ALOX5: variants seen among roughly 807,000 people sequenced by gnomAD.
ALOX5 encodes polyunsaturated fatty acid 5-lipoxygenase.
ALOX5 carries 64 observed loss-of-function variants against 87.9 expected under a neutral mutation model. That is an observed-to-expected ratio of 0.73 (90% confidence interval 0.60 to 0.90). The LOEUF is 0.90. ALOX5 is among the 40% of genes least tolerant of loss of function. The probability of loss-of-function intolerance (pLI) is 0.00; values close to 1 mark genes in which losing one functional copy is unlikely to be tolerated. For synonymous variants in ALOX5, 388 were observed against 355.1 expected, an observed-to-expected ratio of 1.09 and a Z score of -1.04; for missense variants, 822 against 907.5, an observed-to-expected ratio of 0.91 and a Z score of 1.21.
At chr10:45,375,809 A>G (rs1472661801) in intron 1 of ALOX5, among the ~76,000 whole-genome samples, 1 of 152,172 alleles carries the variant, frequency 6.6e-6, no homozygotes, top group Non-Finnish European at 1.5e-5. Context: ...TACAAGAGCA[A>G]CCTTCAGTTG....
Position 45,443,031 on chromosome 10 carries a change from A to C in ALOX5, c.1273-7A>C. ...ACCCGCTCAGGGCACTCTACCTCCC[A>C]CTCCAGGCCAACGCCACAGGGGGCG... On this transcript the variant is annotated splice_polypyrimidine_tract_variant and splice_region_variant and intron_variant, in intron 9 of 13. Coordinates refer to ENST00000374391, the MANE Select transcript of ALOX5 (RefSeq NM_000698.5). 6.2e-7 allele frequency: 1 copy of C among 1,609,316 alleles called. No homozygotes were observed. The highest frequency in any genetic ancestry group is 8.5e-7 in the Non-Finnish European group (1 of 1,177,744).
In ALOX5 at chr10:45,439,550, A is replaced by G. The variant is rs150620963; in HGVS notation, c.982-880A>G. Among the ~76,000 whole-genome samples the G allele has an allele frequency of 8.5e-3, 1,294 of 152,252 alleles. 9 individuals are homozygous for G. Among genetic ancestry groups the G allele is most frequent in the Non-Finnish European group, 0.012 (822 of 68,018 alleles). On this transcript the variant is annotated intron_variant, in intron 7 of 13. Coordinates refer to ENST00000374391, the MANE Select transcript of ALOX5 (RefSeq NM_000698.5). ...CGTGAGAACTCACTGTCGGGTGCTGAGGCTGTGCTGGGCTCTCAATAAGGG... is the reference window on the plus strand; with the variant it reads ...CGTGAGAACTCACTGTCGGGTGCTGGGGCTGTGCTGGGCTCTCAATAAGGG...
rs1360559485 is a variant in ALOX5, at chr10:45,443,724, C to T, written c.1574-4C>T. ...GCCTCAGCCCGCCGGTGGTTCCACC[C>T]TAGGCTTCCCCAAGTCGGTCAAGAG... On this transcript the variant is annotated splice_region_variant and splice_polypyrimidine_tract_variant and intron_variant, in intron 11 of 13. Coordinates refer to ENST00000374391, the MANE Select transcript of ALOX5 (RefSeq NM_000698.5). 6.2e-7 allele frequency: 1 copy of T among 1,611,188 alleles called. No individual in the cohort carries two copies.
At chr10:45,428,566 T>C in intron 6 of ALOX5, 52 bp from the exon 7 acceptor site, 4 of 1,607,480 alleles carry the variant, frequency 2.5e-6, no homozygotes, top group Non-Finnish European at 3.4e-6. Flanking sequence ...CAGGCCTGAT[T>C]TTTGGTCCGT....
intron 4 of ALOX5, 147 bp downstream of exon 4, chr10:45,412,460 A>G (rs1841100714): frequency 1.8e-6 from 2 of 1,123,228 alleles, no homozygotes; most frequent in East Asian, 2.5e-5. Flanking sequence ...TTGGCCATAG[A>G]GTGGATTCTC....
At chr10:45,396,347 T>C (rs979043801) in intron 3 of ALOX5, among the ~76,000 whole-genome samples, 2 of 75,608 alleles carry the variant, frequency 2.6e-5, no homozygotes, top group African/African-American at 1.5e-4. Flanking sequence ...AAATGAGCAA[T>C]AAGAGAAAAT....
At chr10:45,399,614 A>G (rs1840628346) in intron 3 of ALOX5, among the ~76,000 whole-genome samples, 1 of 152,242 alleles carries the variant, frequency 6.6e-6, no homozygotes, top group Non-Finnish European at 1.5e-5. Context: ...CACCAAGAGC[A>G]CAGGCAGCAA....
At position 45,382,674 on chromosome 10, in the gene ALOX5, T is replaced by G; in HGVS notation, c.342T>G (p.Asp114Glu). The G allele has an allele frequency of 6.2e-7, 1 of 1,612,490 alleles. No individual in the cohort carries two copies. The highest frequency in any genetic ancestry group is 8.5e-7 in the Non-Finnish European group (1 of 1,179,256). Residue 114 changes from aspartate to glutamate, a missense_variant, in exon 2 of 14, where the codon GAT (aspartate) becomes GAG (glutamate). By Grantham distance (45) the Asp-to-Glu change is conservative. Transcript: ENST00000374391. ...GCGATGTCGAGGTTGTCCTGAGGGA[T>G]GGACGCGGTGAGCAGCTCAGGCCCC... ...ITGDVEVVLR[D>E]GRAKLARDDQ... is the part of the protein sequence containing the mutation.
chr10:45,417,537 A>G (rs1016352609), intron 4 of ALOX5, among the ~76,000 whole-genome samples: 2 of 152,166 alleles, frequency 1.3e-5, no homozygotes, highest in Admixed American at 1.3e-4. Flanking sequence ...GAGTGAGGGC[A>G]GGAGCATCTT....
chr10:45,387,067 G>T (rs564692936), intron 2 of ALOX5, among the ~76,000 whole-genome samples: 2 of 152,174 alleles, frequency 1.3e-5, no homozygotes, highest in Non-Finnish European at 2.9e-5. Flanking sequence ...GCCAGGCGCC[G>T]TGTGGAGGGC....
intron 3 of ALOX5, among the ~76,000 whole-genome samples, chr10:45,410,725 T>C (rs1224929107): frequency 6.6e-6 from 1 of 152,154 alleles, no homozygotes; most frequent in African/African-American, 2.4e-5. Context: ...AACCCTAAAA[T>C]GTAAAATCTG....
intron 7 of ALOX5, 60 bp from the exon 8 acceptor site, chr10:45,440,370 C>G (rs1842189058): frequency 6.4e-7 from 1 of 1,551,552 alleles, no homozygotes. Flanking sequence ...GCGAAGTTCT[C>G]CAACAACTAT....
intron 7 of ALOX5, among the ~76,000 whole-genome samples, chr10:45,430,063 A>T (rs931173523): frequency 1.3e-5 from 2 of 152,172 alleles, no homozygotes; most frequent in African/African-American, 4.8e-5. Context: ...TGCCTAAGAA[A>T]CTGAAGCAGC....
At chr10:45,382,397 A>T in intron 1 of ALOX5, 86 bp from the exon 2 acceptor site, 1 of 1,431,298 alleles carries the variant, frequency 7.0e-7, no homozygotes, top group Non-Finnish European at 9.8e-7. Flanking sequence ...CCACAGCAGC[A>T]TACCTTGGGG....
chr10:45,428,901 G>C, intron 7 of ALOX5, 137 bp downstream of exon 7: 2 of 1,209,046 alleles, frequency 1.7e-6, no homozygotes, highest in Non-Finnish European at 2.3e-6. Context: ...CCCTGAGGTG[G>C]GCTGTCCATA....
rs1226981799 is a variant in ALOX5, at chr10:45,443,290, C to T, written c.1451+74C>T. On this transcript the variant is annotated intron_variant, in intron 10 of 13. Transcript: ENST00000374391. ...CCTGACTACCTGGGGCGGGCCTGGCCCCTCCACCGCTAGCGCTGAATGGGG... is the reference window on the plus strand; with the variant it reads ...CCTGACTACCTGGGGCGGGCCTGGCTCCTCCACCGCTAGCGCTGAATGGGG... 1.9e-6 allele frequency: 3 copies of T among 1,582,846 alleles called. No homozygotes were observed. In the Admixed American group the frequency reaches 5.2e-5, roughly 27 times the overall value.
chr10:45,392,051 C>T (rs189681865), intron 2 of ALOX5, among the ~76,000 whole-genome samples: 3,927 of 151,548 alleles, frequency 0.026, 126 homozygotes, highest in African/African-American at 0.076. Context: ...TTCAGCCCCC[C>T]GCCCGGCCAG....
intron 5 of ALOX5, among the ~76,000 whole-genome samples, chr10:45,424,371 G>A (rs1034121160): frequency 6.6e-6 from 1 of 152,074 alleles, no homozygotes; most frequent in Non-Finnish European, 1.5e-5. Context: ...ATTCAAGCTC[G>A]AGCACCCTCA....
At chr10:45,388,276 C>T (rs1056243092) in intron 2 of ALOX5, among the ~76,000 whole-genome samples, 13 of 152,282 alleles carry the variant, frequency 8.5e-5, no homozygotes, top group African/African-American at 2.4e-4. Flanking sequence ...AGGTCATAGC[C>T]GAACAAAAGG....
Sources: gnomAD v4.1 joint callset for allele counts (sites outside exome capture counted in the v4.1 genomes callset) on GRCh38, gnomAD v4.1.1 for gene constraint, MANE v1.5 for transcripts, NCBI Gene and HGNC (gene_info 2026-07-23, HGNC 2026-07-21) for gene names.